The following LIN52 variants were observed in gnomAD, a reference collection of about 807,000 sequenced individuals.
LIN52 encodes protein lin-52 homolog.
A neutral mutation model predicts 18.5 loss-of-function variants in LIN52; 4 were observed. The ratio of observed to expected loss-of-function variants is 0.22; its 90% CI spans 0.11 to 0.49. The LOEUF is 0.49. Among genes scored for constraint, LIN52 ranks in the 20% least tolerant of loss-of-function variants. LIN52 has a pLI of 0.97. For missense variants in LIN52, 102 were observed against 139.5 expected (o/e 0.73, Z 1.35); for synonymous variants, 34 against 45.5 (o/e 0.75, Z 1.02).
chr14:74,097,758 T>C (rs373821728), intron 3 of LIN52, 36 bp from the exon 4 acceptor site: 12 of 1,482,626 alleles, frequency 8.1e-6, no homozygotes, highest in Middle Eastern at 3.5e-4. Flanking sequence ...CCTCACACTT[T>C]TTATGTGTCT....
intron 5 of LIN52, among the ~76,000 whole-genome samples, chr14:74,135,997 A>G (rs2139945844): frequency 6.6e-6 from 1 of 152,296 alleles, no homozygotes; most frequent in African/African-American, 2.4e-5. Context: ...TTTCTTTTTC[A>G]GTCCATGCTA....
At chr14:74,163,886 C>T (rs1281467088) in intron 5 of LIN52, among the ~76,000 whole-genome samples, 1 of 152,152 alleles carries the variant, frequency 6.6e-6, no homozygotes, top group Non-Finnish European at 1.5e-5. Context: ...GCTTTATTCT[C>T]TCCCACAAAA....
In LIN52 at chr14:74,158,151, G is replaced by C. The variant is rs150018888; in HGVS notation, c.284-40771G>C. 3.7e-3 allele frequency among the ~76,000 whole-genome samples: 529 copies of C among 143,956 alleles called. 3 individuals are homozygous for C. Among genetic ancestry groups the C allele is most frequent in the Middle Eastern group, 7.4e-3 (2 of 272 alleles). The allele number at this position is 143,956 out of a possible 152,430, so 94.4% of individuals were successfully genotyped here. On this transcript the variant is annotated intron_variant, in intron 5 of 5. Coordinates refer to ENST00000555028, the MANE Select transcript of LIN52 (RefSeq NM_001024674.3). ...TTTTTTTGAGATAGAGTCTCCCTCT[G>C]TTGCCCAGGCTAGAGCACAGTAGCG...
At chr14:74,145,557 G>A (rs1198353286) in intron 5 of LIN52, among the ~76,000 whole-genome samples, 1 of 152,132 alleles carries the variant, frequency 6.6e-6, no homozygotes, top group Non-Finnish European at 1.5e-5. Flanking sequence ...TTTGTCCATG[G>A]CATTTTTTGA....
At chr14:74,171,206 C>T (rs1262653974) in intron 5 of LIN52, among the ~76,000 whole-genome samples, 1 of 151,658 alleles carries the variant, frequency 6.6e-6, no homozygotes, top group African/African-American at 2.4e-5. Context: ...AGCAAGATTC[C>T]ATCTGTAAAA....
intron 1 of LIN52, among the ~76,000 whole-genome samples, chr14:74,089,796 TA>T (rs138770843): frequency 0.22 from 34,136 of 152,002 alleles, 4,162 homozygotes; most frequent in South Asian, 0.46. Flanking sequence ...CAGATGAAGA[TA>T]AAAGTCCTCA....
intron 5 of LIN52, among the ~76,000 whole-genome samples, chr14:74,105,820 C>T (rs1022020525): frequency 6.6e-6 from 1 of 152,134 alleles, no homozygotes; most frequent in Non-Finnish European, 1.5e-5. Flanking sequence ...TATTTGTCCT[C>T]AAAACATGAT....
chr14:74,193,678 G>T (rs375400648), intron 5 of LIN52, among the ~76,000 whole-genome samples: 1 of 152,172 alleles, frequency 6.6e-6, no homozygotes, highest in African/African-American at 2.4e-5. Context: ...TTGAATGCCT[G>T]TGTGACTTTG....
At chr14:74,115,932 A>G (rs1012339648) in intron 5 of LIN52, among the ~76,000 whole-genome samples, 6 of 152,164 alleles carry the variant, frequency 3.9e-5, no homozygotes, top group African/African-American at 1.4e-4. Flanking sequence ...GGGGTTGGAG[A>G]GTAGGCAGAG....
chr14:74,137,914 A>T (rs2139948514), intron 5 of LIN52, among the ~76,000 whole-genome samples: 1 of 152,264 alleles, frequency 6.6e-6, no homozygotes, highest in South Asian at 2.1e-4. Context: ...TCTTTACAAT[A>T]AGCCTGCTTT....
chr14:74,111,541 A>T (rs932682239), intron 5 of LIN52, among the ~76,000 whole-genome samples: 1 of 151,536 alleles, frequency 6.6e-6, no homozygotes, highest in African/African-American at 2.4e-5. Flanking sequence ...GGCTCAAGCA[A>T]TCCTCCCGCC....
chr14:74,103,363 G>GCCA lies in LIN52; in HGVS notation c.283+2130_283+2132dup, dbSNP rs558403934. On this transcript the variant is annotated intron_variant, in intron 5 of 5. Transcript: ENST00000555028. The stretch of plus-strand genomic sequence containing the variant: ...CAAAGTGCTGAGATTACAGGCATGA[G>GCCA]CCACCACACCTGACATATTGTTTTT... Among the ~76,000 whole-genome samples, 202 of 151,630 alleles carry GCCA rather than the reference G, an allele frequency of 1.3e-3. 1 individual carries two copies. The highest frequency in any genetic ancestry group is 4.7e-3 in the African/African-American group (194 of 41,302).
chr14:74,147,470 G>A lies in LIN52; in HGVS notation c.283+46232G>A, dbSNP rs10134077. Among the ~76,000 whole-genome samples, 1,255 of 152,210 alleles carry A rather than the reference G, an allele frequency of 8.2e-3. 16 individuals carry two copies. Among genetic ancestry groups the A allele is most frequent in the African/African-American group, 0.029 (1,191 of 41,522 alleles). ...AGCTCCATTACAATTAAACACTTCT[G>A]TGCTTCAAAGACACCATTAAGAAAG... On this transcript the variant is annotated intron_variant, in intron 5 of 5. Coordinates refer to ENST00000555028, the MANE Select transcript of LIN52 (RefSeq NM_001024674.3).
At chr14:74,198,653 G>A (rs2078929087) in intron 5 of LIN52, among the ~76,000 whole-genome samples, 1 of 152,148 alleles carries the variant, frequency 6.6e-6, no homozygotes, top group African/African-American at 2.4e-5. Context: ...GAATCCCCTG[G>A]TGATTTGTTT....
intron 5 of LIN52, among the ~76,000 whole-genome samples, chr14:74,148,502 G>A (rs2061162951): frequency 6.6e-6 from 1 of 152,064 alleles, no homozygotes; most frequent in South Asian, 2.1e-4. Flanking sequence ...ACAGAAATGA[G>A]AGATTACAGT....
chr14:74,185,309 C>CTTTTTTTTT lies in LIN52; in HGVS notation c.284-13598_284-13590dup, dbSNP rs71115969. Among the ~76,000 whole-genome samples the CTTTTTTTTT allele has an allele frequency of 3.2e-3, 252 of 78,796 alleles. 8 individuals carry two copies. Among genetic ancestry groups the CTTTTTTTTT allele is most frequent in the East Asian group, 6.5e-3 (16 of 2,450 alleles). The allele number at this position is 78,796 out of a possible 152,430, so 51.7% of individuals were successfully genotyped here. A position where few individuals can be genotyped will look rare whatever the true frequency, so the allele number is the denominator to read the frequency against. On this transcript the variant is annotated intron_variant, in intron 5 of 5. Coordinates refer to ENST00000555028, the MANE Select transcript of LIN52 (RefSeq NM_001024674.3). ...AATATATTTGATTTTATAATGATTT[C>CTTTTTTTTT]TTTTTTTTTTTTTTTTTTTTTTTGA...
intron 5 of LIN52, among the ~76,000 whole-genome samples, chr14:74,175,454 G>A (rs1036712962): frequency 2.0e-5 from 3 of 151,100 alleles, no homozygotes; most frequent in Admixed American, 2.0e-4. Context: ...TCCAGGCTAT[G>A]TAGCGAGGCC....
At chr14:74,150,886 C>T (rs1248766739) in intron 5 of LIN52, among the ~76,000 whole-genome samples, 1 of 152,146 alleles carries the variant, frequency 6.6e-6, no homozygotes, top group African/African-American at 2.4e-5. Context: ...CCTCCCGCCC[C>T]CCTGCTCCAA....
intron 5 of LIN52, among the ~76,000 whole-genome samples, chr14:74,128,809 TGGTGCACGCCTGTAA>T: frequency 6.6e-6 from 1 of 152,036 alleles, no homozygotes; most frequent in South Asian, 2.1e-4. Context: ...CCTGCTGTGG[TGGTGCACGCCTGTAA>T]TCCCAGCTAC....
Sources: allele counts gnomAD v4.1 joint callset (sites outside exome capture counted in the v4.1 genomes callset), GRCh38; gene constraint gnomAD v4.1.1; transcripts MANE v1.5; gene names NCBI Gene and HGNC (gene_info 2026-07-23, HGNC 2026-07-21).